The following MAP4K3 variants were observed in gnomAD, a reference collection of about 807,000 sequenced individuals.
MAP4K3 encodes mitogen-activated protein kinase kinase kinase kinase 3.
MAP4K3 carries 94 observed loss-of-function variants against 143.5 expected under a neutral mutation model. That is an observed-to-expected ratio of 0.65 (90% CI 0.55 to 0.78). The LOEUF is 0.78. MAP4K3 is among the 30% of genes least tolerant of loss of function. The probability of loss-of-function intolerance (pLI) is 0.00; values close to 1 mark genes in which losing one functional copy is unlikely to be tolerated. For missense variants in MAP4K3, 1,077 were observed against 1,068.1 expected (o/e 1.01, Z -0.12); for synonymous variants, 416 against 347.2 (o/e 1.20, Z -2.20).
intron 2 of MAP4K3, among the ~76,000 whole-genome samples, chr2:39,362,890 C>T (rs1005107412): frequency 6.6e-6 from 1 of 152,110 alleles, no homozygotes; most frequent in African/African-American, 2.4e-5. Flanking sequence ...CCAAAATAAA[C>T]ACATGCATAT....
chr2:39,334,001 T>G lies in MAP4K3; in HGVS notation c.415-427A>C, dbSNP rs867041238. Among the ~76,000 whole-genome samples the G allele has an allele frequency of 1.4e-4, 11 of 79,926 alleles. 1 individual carries two copies. The East Asian group carries it at 4.8e-3, about 35-fold the overall frequency. The allele number at this position is 79,926 out of a possible 152,430, so 52.4% of individuals were successfully genotyped here. A position where few individuals can be genotyped will look rare whatever the true frequency, so the allele number is the denominator to read the frequency against. ...TGTGTGTGTGTGTGTGTGTGTGTGT[T>G]TTTAAAAGAACCTCCCTTTCTAGGA... On this transcript the variant is annotated intron_variant, in intron 6 of 33. Transcript: ENST00000263881.
intron 18 of MAP4K3, among the ~76,000 whole-genome samples, chr2:39,290,810 C>G (rs1236126792): frequency 6.6e-6 from 1 of 152,168 alleles, no homozygotes; most frequent in Non-Finnish European, 1.5e-5. Context: ...GTGGCTCACG[C>G]CTGTAATTCC....
chr2:39,384,793 T>A (rs933465712), intron 1 of MAP4K3, among the ~76,000 whole-genome samples: 1 of 152,214 alleles, frequency 6.6e-6, no homozygotes, highest in African/African-American at 2.4e-5. Context: ...ATAAAATGGA[T>A]TTTTAAAGAT....
intron 3 of MAP4K3, among the ~76,000 whole-genome samples, chr2:39,350,618 T>A (rs929707486): frequency 1.3e-5 from 2 of 152,020 alleles, no homozygotes; most frequent in South Asian, 2.1e-4. Context: ...CTAGAAAAAA[T>A]TTTTTCCCAG....
chr2:39,419,564 T>A (rs1667490018), intron 1 of MAP4K3, among the ~76,000 whole-genome samples: 1 of 152,234 alleles, frequency 6.6e-6, no homozygotes, highest in East Asian at 1.9e-4. Context: ...CCAATTTTGG[T>A]TTTTGAAAGA....
chr2:39,333,630 A>T, intron 6 of MAP4K3, 56 bp from the exon 7 acceptor site: 2 of 936,862 alleles, frequency 2.1e-6, no homozygotes, highest in South Asian at 3.0e-5. Context: ...ATCAGACAGC[A>T]CATATATAAT....
chr2:39,361,613 T>A (rs1665772535), intron 2 of MAP4K3, among the ~76,000 whole-genome samples: 1 of 151,898 alleles, frequency 6.6e-6, no homozygotes, highest in Non-Finnish European at 1.5e-5. Flanking sequence ...TACCTAAGAA[T>A]AAGCTTTAAA....
At chr2:39,376,695 T>C (rs1347598006) in intron 2 of MAP4K3, among the ~76,000 whole-genome samples, 1 of 152,212 alleles carries the variant, frequency 6.6e-6, no homozygotes, top group Non-Finnish European at 1.5e-5. Context: ...AGGAGTCATC[T>C]TAATTAGACC....
chr2:39,334,774 T>C (rs563226402), intron 6 of MAP4K3, among the ~76,000 whole-genome samples: 1 of 152,144 alleles, frequency 6.6e-6, no homozygotes, highest in Non-Finnish European at 1.5e-5. Flanking sequence ...GTTACAATAA[T>C]GAGTAAGTTC....
chr2:39,412,664 C>G (rs1477706273), intron 1 of MAP4K3, among the ~76,000 whole-genome samples: 4 of 152,088 alleles, frequency 2.6e-5, no homozygotes, highest in Non-Finnish European at 5.9e-5. Context: ...AGAACAGGAA[C>G]AAATACTACT....
chr2:39,365,798 C>T (rs575039974), intron 2 of MAP4K3, among the ~76,000 whole-genome samples: 1 of 152,118 alleles, frequency 6.6e-6, no homozygotes. Flanking sequence ...GCTTAGACTA[C>T]GAAAAATCAA....
At chr2:39,254,609 A>T (rs1005703258) in intron 31 of MAP4K3, 89 bp from the exon 32 acceptor site, 2 of 897,372 alleles carry the variant, frequency 2.2e-6, no homozygotes, top group African/African-American at 3.3e-5. Context: ...ATACAGCAAT[A>T]TTTCAATTCA....
At chr2:39,418,437 T>C (rs1667452779) in intron 1 of MAP4K3, among the ~76,000 whole-genome samples, 1 of 152,192 alleles carries the variant, frequency 6.6e-6, no homozygotes, top group African/African-American at 2.4e-5. Flanking sequence ...TTTCAAGTAA[T>C]TTACGAAGCT....
chr2:39,388,018 A>G (rs1666556362), intron 1 of MAP4K3, among the ~76,000 whole-genome samples: 1 of 152,264 alleles, frequency 6.6e-6, no homozygotes, highest in African/African-American at 2.4e-5. Flanking sequence ...CCAACATATC[A>G]GTAATTTGTA....
intron 29 of MAP4K3, among the ~76,000 whole-genome samples, chr2:39,259,915 A>G (rs952321390): frequency 1.3e-5 from 2 of 152,228 alleles, no homozygotes; most frequent in African/African-American, 4.8e-5. Flanking sequence ...AATACATATC[A>G]CCAAAATCAA....
At chr2:39,369,523 G>A (rs1372832889) in intron 2 of MAP4K3, among the ~76,000 whole-genome samples, 1 of 152,136 alleles carries the variant, frequency 6.6e-6, no homozygotes, top group Admixed American at 6.5e-5. Flanking sequence ...TGCTCACATA[G>A]AGCATACTAC....
chr2:39,298,965 A>AC (rs1491565798), intron 16 of MAP4K3, among the ~76,000 whole-genome samples: 2 of 110,922 alleles, frequency 1.8e-5, no homozygotes, highest in Non-Finnish European at 3.4e-5. Flanking sequence ...ACTCTGCCTC[A>AC]AAAAAAAAAA....
intron 2 of MAP4K3, among the ~76,000 whole-genome samples, chr2:39,375,914 T>C (rs1573215493): frequency 6.6e-6 from 1 of 152,370 alleles, no homozygotes; most frequent in East Asian, 1.9e-4. Flanking sequence ...TATCAGCAAC[T>C]TGTTTTTATT....
intron 21 of MAP4K3, 114 bp from the exon 22 acceptor site, chr2:39,282,668 CA>C (rs941599069): frequency 5.7e-5 from 40 of 704,488 alleles, no homozygotes; most frequent in African/African-American, 1.1e-4. Context: ...CTTTGTAAAA[CA>C]AAACATTACA....
Sources: allele counts gnomAD v4.1 joint callset (sites outside exome capture counted in the v4.1 genomes callset), GRCh38; gene constraint gnomAD v4.1.1; transcripts MANE v1.5; gene names NCBI Gene and HGNC (gene_info 2026-07-23, HGNC 2026-07-21).